Variants in EBF2 observed in about 807,000 individuals in gnomAD.
The protein encoded by EBF2 is EBF transcription factor 2.
In EBF2, 21 loss-of-function variants were observed where a neutral mutation model predicts 72.8. The ratio of observed to expected loss-of-function variants is 0.29; its 90% CI spans 0.20 to 0.42. The LOEUF (loss-of-function observed/expected upper bound fraction) is 0.42. Ranked by LOEUF, EBF2 falls within the 10% of genes least tolerant of loss-of-function variation. EBF2 has a pLI of 1.00. For synonymous variants in EBF2, 299 were observed against 274.2 expected (o/e 1.09, Z -0.89); for missense variants, 637 against 731.2 (o/e 0.87, Z 1.49).
Position 25,861,119 on chromosome 8 carries a change from C to A in EBF2, c.1272G>T (p.Met424Ile). The A allele has an allele frequency of 1.2e-6, 2 of 1,614,182 alleles. No homozygotes were observed. The highest frequency in any genetic ancestry group is 1.7e-6 in the Non-Finnish European group (2 of 1,180,028). ...GGCTGCCATAGGAGTTGATTCCCAT[C>A]ATGCCACTGTGCGCTGGGGAGCTAG... ...ALSSSPAHSG[M>I]MGINSYGSQL... The change falls in exon 13 of 16, where the codon ATG (methionine) becomes ATT (isoleucine). Residue 424 changes from methionine to isoleucine, a missense_variant. This residue lies in a region of EBF2 where 259 missense variants were observed against 268.1 expected (regional missense o/e 0.97). Coordinates refer to ENST00000520164, the MANE Select transcript of EBF2 (RefSeq NM_022659.4).
intron 15 of EBF2, among the ~76,000 whole-genome samples, chr8:25,844,933 G>A (rs950937307): frequency 3.9e-5 from 6 of 152,150 alleles, no homozygotes; most frequent in African/African-American, 7.2e-5. Context: ...GACAACAGAT[G>A]TAAACATGTA....
intron 7 of EBF2, among the ~76,000 whole-genome samples, chr8:25,894,981 T>A (rs4872372): frequency 2.0e-5 from 3 of 151,972 alleles, no homozygotes; most frequent in Admixed American, 2.0e-4. Flanking sequence ...CCTGATAACG[T>A]GTCTTTTCTA....
At chr8:25,854,102 T>G (rs1802036855) in intron 14 of EBF2, among the ~76,000 whole-genome samples, 1 of 152,192 alleles carries the variant, frequency 6.6e-6, no homozygotes, top group Admixed American at 6.5e-5. Context: ...AATCTCGATT[T>G]CTTTGGGAAG....
intron 6 of EBF2, among the ~76,000 whole-genome samples, chr8:25,994,133 T>C (rs1804586603): frequency 6.6e-6 from 1 of 152,068 alleles, no homozygotes; most frequent in South Asian, 2.1e-4. Context: ...TGAGGAACAC[T>C]AAAACCAATC....
chr8:26,041,321 A>C, intron 2 of EBF2: 13 of 390,184 alleles, frequency 3.3e-5, no homozygotes, highest in East Asian at 1.0e-4. Flanking sequence ...CACCCAACCC[A>C]TCGGGCTCTG....
rs1805616304 is a variant in EBF2, at chr8:26,042,341, AG to A, written c.132-91del. The stretch of plus-strand genomic sequence containing the variant: ...CCGCCCACAACACTGCAGAGGGGTA[AG>A]GGGTCCACTTCCCAGGTCCAGAGTT... On this transcript the variant is annotated intron_variant, in intron 1 of 15. Coordinates refer to ENST00000520164, the MANE Select transcript of EBF2 (RefSeq NM_022659.4). 3.4e-6 allele frequency: 5 copies of A among 1,455,832 alleles called. No individual in the cohort carries two copies. In the Admixed American group the frequency reaches 1.1e-4, roughly 33 times the overall value. The allele number at this position is 1,455,832 out of a possible 1,614,324, so 90.2% of individuals were successfully genotyped here.
chr8:26,000,387 C>A (rs1015307220), intron 6 of EBF2, among the ~76,000 whole-genome samples: 2 of 152,160 alleles, frequency 1.3e-5, no homozygotes, highest in African/African-American at 4.8e-5. Flanking sequence ...ATGGAGAAGA[C>A]ATGGTCCCTG....
intron 5 of EBF2, among the ~76,000 whole-genome samples, chr8:26,036,155 A>G (rs1435311199): frequency 6.6e-6 from 1 of 152,146 alleles, no homozygotes; most frequent in Non-Finnish European, 1.5e-5. Context: ...TTGGGTAGGA[A>G]TGATTCTGAG....
intron 6 of EBF2, among the ~76,000 whole-genome samples, chr8:25,938,882 G>A (rs1237140126): frequency 1.3e-5 from 2 of 152,072 alleles, no homozygotes; most frequent in Non-Finnish European, 2.9e-5. Flanking sequence ...TCTCTAGGAT[G>A]CTACAAAATC....
chr8:26,022,252 C>G (rs1377971022), intron 6 of EBF2, among the ~76,000 whole-genome samples: 1 of 152,176 alleles, frequency 6.6e-6, no homozygotes, highest in Non-Finnish European at 1.5e-5. Flanking sequence ...TACACAGCTC[C>G]CAAAATTGTT....
At chr8:25,916,395 G>A (rs1803216800) in intron 6 of EBF2, among the ~76,000 whole-genome samples, 1 of 152,060 alleles carries the variant, frequency 6.6e-6, no homozygotes, top group Admixed American at 6.6e-5. Flanking sequence ...AAGTGTTTGG[G>A]TAAATGCCTG....
chr8:25,848,688 C>CT (rs1407227306), intron 15 of EBF2, among the ~76,000 whole-genome samples: 1 of 152,070 alleles, frequency 6.6e-6, no homozygotes, highest in Admixed American at 6.6e-5. Flanking sequence ...GTCAAGTATC[C>CT]TTTTTTCCTT....
chr8:25,902,160 T>C (rs1802964599), intron 7 of EBF2, among the ~76,000 whole-genome samples: 1 of 152,222 alleles, frequency 6.6e-6, no homozygotes, highest in Non-Finnish European at 1.5e-5. Context: ...AGAATGTGAA[T>C]GTGGGAAATG....
At chr8:25,866,635 A>T (rs1175638398) in intron 10 of EBF2, among the ~76,000 whole-genome samples, 1,837 of 77,078 alleles carry the variant, frequency 0.024, 25 homozygotes, top group South Asian at 0.052. Context: ...ATATATATAT[A>T]TTTTTTTTTT....
intron 8 of EBF2, among the ~76,000 whole-genome samples, chr8:25,889,545 T>C (rs1160211095): frequency 2.0e-5 from 3 of 151,876 alleles, no homozygotes; most frequent in Non-Finnish European, 4.4e-5. Flanking sequence ...GTGGGAGGCA[T>C]GAGGACTTGG....
At chr8:25,861,407 A>C in intron 11 of EBF2, 33 bp from the exon 12 acceptor site, 1 of 1,611,742 alleles carries the variant, frequency 6.2e-7, no homozygotes, top group Non-Finnish European at 8.5e-7. Context: ...ATATTGTCAA[A>C]GGCAAAATCC....
intron 6 of EBF2, among the ~76,000 whole-genome samples, chr8:25,977,756 C>T (rs1436384579): frequency 6.6e-6 from 1 of 152,104 alleles, no homozygotes; most frequent in Non-Finnish European, 1.5e-5. Flanking sequence ...TATTGGCTGA[C>T]AGTTTCTTCT....
At chr8:25,948,678 T>C (rs1245316576) in intron 6 of EBF2, among the ~76,000 whole-genome samples, 1 of 152,088 alleles carries the variant, frequency 6.6e-6, no homozygotes, top group Non-Finnish European at 1.5e-5. Flanking sequence ...ACTCATAAAG[T>C]AAAGGAAACA....
Position 25,902,247 on chromosome 8 carries a change from C to T in EBF2, c.633+6227G>A, listed in dbSNP as rs563035187. Among the ~76,000 whole-genome samples, 22 of 152,224 alleles carry T rather than the reference C, an allele frequency of 1.4e-4. No individual in the cohort carries two copies. In the South Asian group the frequency reaches 4.4e-3, roughly 30 times the overall value. On this transcript the variant is annotated intron_variant, in intron 7 of 15. Coordinates refer to ENST00000520164, the MANE Select transcript of EBF2 (RefSeq NM_022659.4). ...ACTGCCTTCACTCCACCCACACAAGCAGAAAGAAATAAAGAATGGGATTCA... is the reference window on the plus strand; with the variant it reads ...ACTGCCTTCACTCCACCCACACAAGTAGAAAGAAATAAAGAATGGGATTCA...
Sources: gnomAD v4.1 joint callset for allele counts (sites outside exome capture counted in the v4.1 genomes callset) on GRCh38, gnomAD v4.1.1 for gene constraint, gnomAD v4.1.1 regional missense constraint, MANE v1.5 for transcripts, NCBI Gene and HGNC (gene_info 2026-07-23, HGNC 2026-07-21) for gene names.